Variants in AGO1 observed in about 807,000 individuals in gnomAD.
AGO1 encodes the protein protein argonaute-1.
AGO1 carries 11 observed loss-of-function variants against 109.2 expected under a neutral mutation model. That is an observed-to-expected ratio of 0.10 (90% CI 0.06 to 0.17). The LOEUF (loss-of-function observed/expected upper bound fraction) is 0.17, where lower values mean the gene tolerates loss of function less well. AGO1 is among the 10% of genes least tolerant of loss of function. The probability of loss-of-function intolerance (pLI) is 1.00; values close to 1 mark genes in which losing one functional copy is unlikely to be tolerated. For missense variants in AGO1, 574 were observed against 1,140.3 expected, an observed-to-expected ratio of 0.50 and a Z score of 7.15; for synonymous variants, 422 against 418.6, an observed-to-expected ratio of 1.01 and a Z score of -0.10.
chr1:35,881,408 C>G (rs1283095785), upstream of AGO1, among the ~76,000 whole-genome samples: 1 of 152,136 alleles, frequency 6.6e-6, no homozygotes, highest in African/African-American at 2.4e-5. Flanking sequence ...GCAACCTCCC[C>G]CTCCCCGGTT....
At chr1:35,871,770 A>T (rs898825342) in intron 1 of AGO1, among the ~76,000 whole-genome samples, 5 of 148,436 alleles carry the variant, frequency 3.4e-5, no homozygotes, top group Non-Finnish European at 6.0e-5. Context: ...CTTTTGCCTT[A>T]AAAAAAAAAT....
At chr1:35,899,860 TTGAGA>T (rs1645384295) in intron 8 of AGO1, among the ~76,000 whole-genome samples, 2 of 152,202 alleles carry the variant, frequency 1.3e-5, no homozygotes, top group South Asian at 4.1e-4. Flanking sequence ...TTTCTCATGT[TTGAGA>T]TTAAAGAAGA....
At chr1:35,881,328 G>GT (rs537308356), upstream of AGO1, among the ~76,000 whole-genome samples, 1,016 of 150,534 alleles carry the variant, frequency 6.7e-3, 8 homozygotes, top group African/African-American at 0.023. Context: ...TTTGGTTTTT[G>GT]TTTTTTTTTG....
chr1:35,914,266 A>G lies in AGO1; in HGVS notation c.1825A>G (p.Ile609Val), dbSNP rs201807040. 1 of 1,613,668 alleles carries G rather than the reference A, an allele frequency of 6.2e-7. No homozygotes were observed. The highest frequency in any genetic ancestry group is 8.5e-7 in the Non-Finnish European group (1 of 1,179,676). ...AGCAGGGGATGGGAAAAAACCTTCTATCACAGCAGTGAGTGATATTCTGTA... is the reference window on the plus strand; with the variant it reads ...AGCAGGGGATGGGAAAAAACCTTCTGTCACAGCAGTGAGTGATATTCTGTA... ...PPAGDGKKPS[I>V]TAVVGSMDAH... Residue 609 changes from isoleucine to valine, a missense_variant, in exon 14 of 19, where the codon ATC (isoleucine) becomes GTC (valine). Around this residue, in one of 8 missense-constraint regions of AGO1, gnomAD observed 68 missense variants for 200.2 expected, o/e 0.34. Coordinates refer to ENST00000373204, the MANE Select transcript of AGO1 (RefSeq NM_012199.5).
In AGO1 at chr1:35,883,410, C is replaced by T. The variant is rs1645062813; in HGVS notation, c.-12C>T. On this transcript the variant is annotated 5_prime_UTR_variant, in exon 1 of 19. In the 5' UTR this introduces an upstream ATG that the reference lacks. Coordinates refer to ENST00000373204, the MANE Select transcript of AGO1 (RefSeq NM_012199.5). The surrounding 1 kb of genome is among the most constrained non-coding windows in gnomAD (Gnocchi z 5.4). ...GTCTCCGGGCCGCCTGACCTCCGCA[C>T]GGGTATATGGGATGGAAGCGGGACC... 11 of 1,579,758 alleles carry T rather than the reference C, an allele frequency of 7.0e-6. No individual in the cohort carries two copies. The Admixed American group carries it at 1.6e-4, about 23-fold the overall frequency.
In AGO1 at chr1:35,888,564, T is replaced by C; in HGVS notation, c.163T>C (p.Tyr55His). The change falls in exon 2 of 19, where the codon TAC (tyrosine) becomes CAC (histidine). Residue 55 changes from tyrosine to histidine, a missense_variant. Physicochemically the swap from Tyr to His is moderately conservative, Grantham distance 83. Around this residue, in one of 8 missense-constraint regions of AGO1, gnomAD observed 89 missense variants for 109.6 expected, o/e 0.81. Coordinates refer to ENST00000373204, the MANE Select transcript of AGO1 (RefSeq NM_012199.5). This position sits in a 1 kb window ranked among gnomAD's most constrained non-coding sequence, Gnocchi z 4.1. ...CATCCCTAAGATCGACGTGTACCAC[T>C]ACGAGGTGGACATCAAGCCGGATAA... ...VDIPKIDVYH[Y>H]EVDIKPDKCP... is the part of the protein sequence containing the mutation. 1.2e-6 allele frequency: 2 copies of C among 1,614,186 alleles called. No individual in the cohort carries two copies. The highest frequency in any genetic ancestry group is 1.7e-6 in the Non-Finnish European group (2 of 1,180,022).
rs376740233 is a variant in AGO1 at position 35,893,837 on chromosome 1, G to C, written c.649+27G>C. On this transcript the variant is annotated intron_variant, in intron 5 of 18. Transcript: ENST00000373204. This position sits in a 1 kb window ranked among gnomAD's most constrained non-coding sequence, Gnocchi z 5.6. Reference sequence around the variant, plus strand: ...TGAGTGGGGAGAGCTATGGAGCCAGGGGCACCCCAAGTCCAGTGACCACAC... The same window carrying C: ...TGAGTGGGGAGAGCTATGGAGCCAGCGGCACCCCAAGTCCAGTGACCACAC... 6.2e-7 allele frequency: 1 copy of C among 1,601,000 alleles called. No homozygotes were observed.
At chr1:35,880,427 T>G (rs2148704874), upstream of AGO1, among the ~76,000 whole-genome samples, 1 of 152,198 alleles carries the variant, frequency 6.6e-6, no homozygotes, top group Admixed American at 6.5e-5. Context: ...TCAGGCATGG[T>G]GGCATGCACC....
At chr1:35,882,984 TG>T (rs1241550607), upstream of AGO1, 1 of 931,862 alleles carries the variant, frequency 1.1e-6, no homozygotes, top group Admixed American at 6.2e-5. The surrounding 1 kb of genome is among the most constrained non-coding windows in gnomAD (Gnocchi z 5.1). Flanking sequence ...TGAAGGCTGC[TG>T]TGGCGGGATG....
At chr1:35,886,332 T>C (rs1413694823) in intron 1 of AGO1, among the ~76,000 whole-genome samples, 1 of 152,152 alleles carries the variant, frequency 6.6e-6, no homozygotes, top group African/African-American at 2.4e-5. Context: ...GTGCTGTTGT[T>C]AGGCTTTCAG....
chr1:35,873,640 G>T (rs75219782), intron 1 of AGO1: 6,088 of 156,158 alleles, frequency 0.039, 410 homozygotes, highest in African/African-American at 0.14. Flanking sequence ...TGATTTTTCA[G>T]TCTGTCTTGA....
At chr1:35,904,933 G>A (rs764133370) in intron 11 of AGO1, among the ~76,000 whole-genome samples, 3 of 152,164 alleles carry the variant, frequency 2.0e-5, no homozygotes, top group Non-Finnish European at 4.4e-5. Flanking sequence ...AAGGTGCTAT[G>A]GGGTTTGACA....
chr1:35,907,295 C>T (rs1216989232), intron 12 of AGO1, among the ~76,000 whole-genome samples, 176 bp downstream of exon 12: 1 of 151,976 alleles, frequency 6.6e-6, no homozygotes, highest in Non-Finnish European at 1.5e-5. Context: ...TATCCCAGAT[C>T]CTAATTACCT....
chr1:35,915,916 C>T (rs1645726310), intron 15 of AGO1, among the ~76,000 whole-genome samples: 1 of 152,170 alleles, frequency 6.6e-6, no homozygotes, highest in African/African-American at 2.4e-5. Flanking sequence ...CAAGAATTTA[C>T]AATACTGACA....
At chr1:35,900,477 CA>C (rs2148714714) in intron 8 of AGO1, among the ~76,000 whole-genome samples, 1 of 152,298 alleles carries the variant, frequency 6.6e-6, no homozygotes. Context: ...CCTGTAATCC[CA>C]GCACTTTGGG....
At position 35,906,827 on chromosome 1, in the gene AGO1, C is replaced by T. The variant is rs998448237; in HGVS notation, c.1398-108C>T. On this transcript the variant is annotated intron_variant, in intron 11 of 18. Transcript: ENST00000373204. ...CTCAAGGAAAAAAAAAAAAAAAAAC[C>T]AATCTCTCAGTGCCTCTTATAGTGC... 1.0e-4 allele frequency: 80 copies of T among 803,332 alleles called. No homozygotes were observed. In the African/African-American group the frequency reaches 1.3e-3, roughly 13 times the overall value. The allele number at this position is 803,332 out of a possible 1,614,324, so 49.8% of individuals were successfully genotyped here.
chr1:35,910,832 A>C (rs985018909), intron 12 of AGO1, among the ~76,000 whole-genome samples: 1 of 152,192 alleles, frequency 6.6e-6, no homozygotes, highest in Admixed American at 6.5e-5. Flanking sequence ...TGGGAGGCCA[A>C]GGCAAGTGGA....
At chr1:35,899,868 AAAG>A (rs1428962987) in intron 8 of AGO1, among the ~76,000 whole-genome samples, 1 of 152,214 alleles carries the variant, frequency 6.6e-6, no homozygotes, top group African/African-American at 2.4e-5. Flanking sequence ...GTTTGAGATT[AAAG>A]AAGAAGATTC....
intron 15 of AGO1, 59 bp downstream of exon 15, chr1:35,915,601 C>G (rs950472355): frequency 1.7e-5 from 26 of 1,491,196 alleles, no homozygotes; most frequent in Non-Finnish European, 2.4e-5. Flanking sequence ...CTAGGTGCTA[C>G]TACCTTTTCT....
Sources: allele counts gnomAD v4.1 joint callset (sites outside exome capture counted in the v4.1 genomes callset), GRCh38; gene constraint gnomAD v4.1.1; regional missense constraint gnomAD v4.1.1; non-coding constraint Gnocchi (gnomAD v3.1); transcripts MANE v1.5; gene names NCBI Gene and HGNC (gene_info 2026-07-23, HGNC 2026-07-21).